KCNJ1: variants seen among roughly 807,000 people sequenced by gnomAD.
KCNJ1 encodes the protein ATP-sensitive inward rectifier potassium channel 1.
A neutral mutation model predicts 21.9 loss-of-function variants in KCNJ1; 24 were observed. The observed-to-expected ratio is 1.10, with a 90% CI of 0.79 to 1.54. The LOEUF (loss-of-function observed/expected upper bound fraction) is 1.54, where lower values mean the gene tolerates loss of function less well. KCNJ1 is among the 40% of genes most tolerant of loss of function. The pLI is 0.00. For synonymous variants in KCNJ1, 152 were observed against 160.9 expected (o/e 0.94, Z 0.42); for missense variants, 457 against 455.4 (o/e 1.00, Z -0.03).
intron 1 of KCNJ1, among the ~76,000 whole-genome samples, chr11:128,857,625 A>G (rs1355735793): frequency 1.3e-5 from 2 of 152,124 alleles, no homozygotes; most frequent in African/African-American, 4.8e-5. Flanking sequence ...GAGAGAAGCT[A>G]TTTTTTTCTC....
At chr11:128,848,811 T>A (rs568479165) in intron 2 of KCNJ1, among the ~76,000 whole-genome samples, 2 of 152,284 alleles carry the variant, frequency 1.3e-5, no homozygotes, top group Admixed American at 1.3e-4. Flanking sequence ...CTTTATTGGA[T>A]ATAAGTGGAT....
At position 128,839,683 on chromosome 11, in the gene KCNJ1, C is replaced by A. The variant is rs745655005; in HGVS notation, c.561G>T (p.Lys187Asn). ...KNAVISKRGGKLCLLIRVANL... is the reference protein window; with the variant it reads ...KNAVISKRGGNLCLLIRVANL... ...TAGCCACTCGGATTAGGAGGCAAAG[C>A]TTCCCTCCCCGTTTGCTGATCACTG... Residue 187 changes from lysine to asparagine, a missense_variant, in exon 3 of 3, where the codon AAG (lysine) becomes AAT (asparagine). Transcript: ENST00000392666. 2 of 1,613,188 alleles carry A rather than the reference C, an allele frequency of 1.2e-6. No individual in the cohort carries two copies. Among genetic ancestry groups the A allele is most frequent in the Non-Finnish European group, 1.7e-6 (2 of 1,179,750 alleles).
At chr11:128,843,118 G>A (rs1943317174) in intron 2 of KCNJ1, among the ~76,000 whole-genome samples, 2 of 152,214 alleles carry the variant, frequency 1.3e-5, no homozygotes, top group Non-Finnish European at 1.5e-5. Context: ...TTCAGAGTGA[G>A]AGGGATTATT....
intron 2 of KCNJ1, among the ~76,000 whole-genome samples, chr11:128,848,327 G>A (rs1470142587): frequency 6.6e-6 from 1 of 150,598 alleles, no homozygotes; most frequent in Non-Finnish European, 1.5e-5. Context: ...GAGACCACGG[G>A]TGTGCACCAC....
chr11:128,860,291 G>A (rs1408732537), intron 1 of KCNJ1, among the ~76,000 whole-genome samples: 1 of 152,202 alleles, frequency 6.6e-6, no homozygotes, highest in Non-Finnish European at 1.5e-5. Context: ...GAGACATGAA[G>A]AACTGTTGAC....
At chr11:128,842,737 C>T (rs1943306947) in intron 2 of KCNJ1, among the ~76,000 whole-genome samples, 1 of 152,180 alleles carries the variant, frequency 6.6e-6, no homozygotes, top group African/African-American at 2.4e-5. Context: ...CATTGCCTTC[C>T]TCTCCTTGGC....
At chr11:128,867,069 C>T (rs562222904) in intron 1 of KCNJ1, 104 bp downstream of exon 1, 2 of 152,302 alleles carry the variant, frequency 1.3e-5, no homozygotes, top group Non-Finnish European at 2.9e-5. Context: ...CAGGAGTGGA[C>T]AGACAAGTCT....
intron 2 of KCNJ1, among the ~76,000 whole-genome samples, chr11:128,848,394 G>T (rs1004283798): frequency 1.3e-5 from 2 of 150,554 alleles, no homozygotes; most frequent in Non-Finnish European, 2.9e-5. Context: ...GTCTTACTAT[G>T]TTTCCCAGGC....
intron 1 of KCNJ1, among the ~76,000 whole-genome samples, chr11:128,852,030 G>A (rs1167282556): frequency 6.6e-6 from 1 of 152,194 alleles, no homozygotes; most frequent in East Asian, 1.9e-4. Context: ...TAAGATTTAA[G>A]AAGTGGGTTT....
At chr11:128,840,942 G>A (rs1943272196) in intron 2 of KCNJ1, among the ~76,000 whole-genome samples, 1 of 152,166 alleles carries the variant, frequency 6.6e-6, no homozygotes, top group Non-Finnish European at 1.5e-5. Flanking sequence ...TCTAGTCTAG[G>A]GGAGCTTCTA....
intron 1 of KCNJ1, among the ~76,000 whole-genome samples, chr11:128,855,878 C>A (rs1052587944): frequency 6.6e-6 from 1 of 152,160 alleles, no homozygotes; most frequent in Admixed American, 6.5e-5. Context: ...GTTTTAACTC[C>A]CAGGTCTGGA....
At chr11:128,850,646 A>G in intron 2 of KCNJ1, 75 bp downstream of exon 2, 1 of 721,154 alleles carries the variant, frequency 1.4e-6, no homozygotes, top group Non-Finnish European at 1.7e-6. Flanking sequence ...GAGGCTCTGC[A>G]TAACCAAATG....
intron 1 of KCNJ1, among the ~76,000 whole-genome samples, chr11:128,858,799 G>T (rs1341855528): frequency 1.3e-5 from 2 of 152,188 alleles, no homozygotes. Context: ...AGTTCACAGA[G>T]CTAGAAGGTT....
chr11:128,849,644 A>T (rs931669739), intron 2 of KCNJ1, among the ~76,000 whole-genome samples: 3 of 152,212 alleles, frequency 2.0e-5, no homozygotes, highest in Admixed American at 6.5e-5. Context: ...AGAAATGGTT[A>T]TGATATCAAC....
intron 1 of KCNJ1, among the ~76,000 whole-genome samples, chr11:128,861,285 G>C (rs935179726): frequency 9.9e-5 from 15 of 152,226 alleles, no homozygotes; most frequent in African/African-American, 3.6e-4. Context: ...AACTGAAGCA[G>C]GGCTGCAGCA....
chr11:128,857,808 C>A (rs1220683174), intron 1 of KCNJ1, among the ~76,000 whole-genome samples: 1 of 152,118 alleles, frequency 6.6e-6, no homozygotes, highest in Non-Finnish European at 1.5e-5. Flanking sequence ...TTGTCCCCAT[C>A]TTGTCTTTTT....
At chr11:128,861,081 G>A (rs1191682266) in intron 1 of KCNJ1, among the ~76,000 whole-genome samples, 4 of 152,200 alleles carry the variant, frequency 2.6e-5, no homozygotes, top group Non-Finnish European at 5.9e-5. Flanking sequence ...CGAATGCCCA[G>A]CATCTGCTCT....
intron 2 of KCNJ1, among the ~76,000 whole-genome samples, chr11:128,843,932 A>G (rs946710128): frequency 2.3e-4 from 35 of 152,200 alleles, no homozygotes; most frequent in Non-Finnish European, 4.3e-4. Flanking sequence ...AATCTATGAA[A>G]TGACCAGTGA....
chr11:128,845,940 G>C (rs1943372682), intron 2 of KCNJ1, among the ~76,000 whole-genome samples: 1 of 152,162 alleles, frequency 6.6e-6, no homozygotes. Context: ...GGGGAAAAAG[G>C]GCTGAAGCAT....
Sources: allele counts gnomAD v4.1 joint callset (sites outside exome capture counted in the v4.1 genomes callset), GRCh38; gene constraint gnomAD v4.1.1; transcripts MANE v1.5; gene names NCBI Gene and HGNC (gene_info 2026-07-23, HGNC 2026-07-21).